Variants in NBEAL1 observed in about 807,000 individuals in gnomAD.
NBEAL1 encodes the protein neurobeachin-like protein 1.
In NBEAL1, 273 loss-of-function variants were observed where a neutral mutation model predicts 351.3. The observed-to-expected ratio is 0.78, with a 90% CI of 0.70 to 0.86. The LOEUF (loss-of-function observed/expected upper bound fraction) is 0.86, where lower values mean the gene tolerates loss of function less well. Ranked by LOEUF, NBEAL1 falls within the 40% of genes least tolerant of loss-of-function variation. The probability of loss-of-function intolerance (pLI) is 0.00; values close to 1 mark genes in which losing one functional copy is unlikely to be tolerated. For synonymous variants in NBEAL1, 1,050 were observed against 1,086.4 expected (o/e 0.97, Z 0.66); for missense variants, 2,961 against 3,201.3 (o/e 0.92, Z 1.81).
At chr2:203,054,666 A>G (rs1284894926) in intron 4 of NBEAL1, among the ~76,000 whole-genome samples, 1 of 151,980 alleles carries the variant, frequency 6.6e-6, no homozygotes. Flanking sequence ...TCGCCTTCTC[A>G]TGTGAGTTGT....
In NBEAL1 at chr2:203,222,275, TTATAAA is replaced by T. The variant is rs1168728136; in HGVS notation, c.*4926_*4931del. Among the ~76,000 whole-genome samples, 6 of 152,326 alleles carry T rather than the reference TTATAAA, an allele frequency of 3.9e-5. No individual in the cohort carries two copies. The South Asian group carries it at 6.2e-4, about 16-fold the overall frequency. Reference sequence around the variant, plus strand: ...TACAGATCAGACTTCTCTGTGGAGTTTATAAATATACAGATATGTAGGCACTGCTTT... The same window carrying T: ...TACAGATCAGACTTCTCTGTGGAGTTTATACAGATATGTAGGCACTGCTTT... On this transcript the variant is annotated 3_prime_UTR_variant, in exon 56 of 56. Transcript: ENST00000683969.
intron 49 of NBEAL1, 95 bp downstream of exon 49, chr2:203,199,542 ATATTT>A: frequency 1.6e-6 from 1 of 623,930 alleles, no homozygotes; most frequent in Non-Finnish European, 2.7e-6. Context: ...TCTGAAAGAA[ATATTT>A]TTTTTTTTTT....
intron 12 of NBEAL1, among the ~76,000 whole-genome samples, chr2:203,106,415 A>G (rs746428067): frequency 6.6e-6 from 1 of 152,156 alleles, no homozygotes; most frequent in Non-Finnish European, 1.5e-5. Flanking sequence ...TTAGGTTCCT[A>G]TTGAATAGGC....
At chr2:203,141,960 G>T (rs1397552229) in intron 31 of NBEAL1, among the ~76,000 whole-genome samples, 1 of 152,126 alleles carries the variant, frequency 6.6e-6, no homozygotes, top group Non-Finnish European at 1.5e-5. Context: ...AAATAGGACT[G>T]CATGGTTGTT....
rs1403648531 is a variant in NBEAL1 at position 203,135,847 on chromosome 2, A to G, written c.3984A>G (p.Ser1328=). Residue 1328 remains serine (S), a synonymous_variant, in exon 28 of 56, where the codon TCA becomes TCG. Coordinates refer to ENST00000683969, the MANE Select transcript of NBEAL1 (RefSeq NM_001378026.1). The part of the protein sequence containing the change: ...VLMKDNDKNM[S]TEDTKKNSDE... ...TGAAAGACAATGATAAAAATATGTC[A>G]ACTGAAGATACCAAGAAGAACTCTG... 1.2e-6 allele frequency: 2 copies of G among 1,613,972 alleles called. No homozygotes were observed. Among genetic ancestry groups the G allele is most frequent in the African/African-American group, 1.3e-5 (1 of 74,938 alleles).
chr2:203,035,940 A>G (rs538727574), intron 2 of NBEAL1, among the ~76,000 whole-genome samples: 1 of 149,388 alleles, frequency 6.7e-6, no homozygotes, highest in South Asian at 2.1e-4. Flanking sequence ...TATGGGTTAA[A>G]TTATTTAATT....
intron 43 of NBEAL1, among the ~76,000 whole-genome samples, 157 bp downstream of exon 43, chr2:203,180,669 T>C (rs1425726435): frequency 6.6e-6 from 1 of 152,172 alleles, no homozygotes; most frequent in Non-Finnish European, 1.5e-5. Context: ...CTATGAGTCT[T>C]ACCTTCCAGG....
chr2:203,209,391 G>T, intron 53 of NBEAL1, 69 bp downstream of exon 53: 4 of 1,134,368 alleles, frequency 3.5e-6, no homozygotes, highest in Non-Finnish European at 5.1e-6. Context: ...CATTATAGAT[G>T]AGGTTTATTG....
chr2:203,190,272 T>A lies in NBEAL1; in HGVS notation c.6824-20T>A. 1 of 1,575,290 alleles carries A rather than the reference T, an allele frequency of 6.3e-7. No individual in the cohort carries two copies. Among genetic ancestry groups the A allele is most frequent in the Non-Finnish European group, 8.7e-7 (1 of 1,154,806 alleles). ...TGATTTGTTTTCACTCTATAGTAAGTTGACTTCTTCTGGTTTTAGGAGCTG... is the reference window on the plus strand; with the variant it reads ...TGATTTGTTTTCACTCTATAGTAAGATGACTTCTTCTGGTTTTAGGAGCTG... On this transcript the variant is annotated intron_variant, in intron 45 of 55. Coordinates refer to ENST00000683969, the MANE Select transcript of NBEAL1 (RefSeq NM_001378026.1).
Position 203,172,862 on chromosome 2 carries a change from T to C in NBEAL1, c.6323+9T>C, listed in dbSNP as rs1457488880. 1 of 1,589,228 alleles carries C rather than the reference T, an allele frequency of 6.3e-7. No homozygotes were observed. The highest frequency in any genetic ancestry group is 8.5e-7 in the Non-Finnish European group (1 of 1,170,292). On this transcript the variant is annotated intron_variant, in intron 41 of 55. Coordinates refer to ENST00000683969, the MANE Select transcript of NBEAL1 (RefSeq NM_001378026.1). ...AAAGCTATGAGAGAAAAGTAAGTGCTTCTTATTCCTTTTATAAAATACACA... is the reference window on the plus strand; with the variant it reads ...AAAGCTATGAGAGAAAAGTAAGTGCCTCTTATTCCTTTTATAAAATACACA...
chr2:203,173,141 A>G (rs1436401202), intron 41 of NBEAL1, among the ~76,000 whole-genome samples: 1 of 152,126 alleles, frequency 6.6e-6, no homozygotes, highest in Non-Finnish European at 1.5e-5. Context: ...AAATTCTTGA[A>G]ATTTTTCTTC....
At chr2:203,151,686 T>A in intron 35 of NBEAL1, 97 bp downstream of exon 35, 1 of 1,181,714 alleles carries the variant, frequency 8.5e-7, no homozygotes, top group Non-Finnish European at 1.1e-6. Flanking sequence ...TGTTTACTTA[T>A]GAAGGAAGGG....
At chr2:203,188,617 C>A in intron 45 of NBEAL1, 28 bp downstream of exon 45, 2 of 1,292,610 alleles carry the variant, frequency 1.5e-6, no homozygotes, top group South Asian at 1.3e-5. Context: ...TTTTCTCTTG[C>A]TTTACCTTGA....
chr2:203,180,555 G>A (rs372898292), intron 43 of NBEAL1, 43 bp downstream of exon 43: 55 of 1,542,346 alleles, frequency 3.6e-5, no homozygotes, highest in Non-Finnish European at 4.5e-5. Context: ...AGGTCCCAAT[G>A]GAGGAGCCTC....
chr2:203,104,177 G>A (rs531844448), intron 12 of NBEAL1, among the ~76,000 whole-genome samples: 1 of 152,192 alleles, frequency 6.6e-6, no homozygotes, highest in East Asian at 1.9e-4. Flanking sequence ...CTACCTCAAT[G>A]ATCTGTCCAA....
chr2:203,019,606 G>A (rs1448701506), intron 2 of NBEAL1, among the ~76,000 whole-genome samples: 3 of 152,134 alleles, frequency 2.0e-5, no homozygotes, highest in Non-Finnish European at 2.9e-5. Context: ...GACCTCCTCC[G>A]TATTTGCCAC....
rs571580197 is a variant in NBEAL1 at position 203,084,863 on chromosome 2, G to A, written c.1098+294G>A. 7.8e-5 allele frequency: 16 copies of A among 204,586 alleles called. No individual in the cohort carries two copies. The Admixed American group carries it at 8.4e-4, about 11-fold the overall frequency. 12.7% of individuals were successfully genotyped at this position (204,586 alleles called of 1,614,324 possible). A position where few individuals can be genotyped will look rare whatever the true frequency, so the allele number is the denominator to read the frequency against. On this transcript the variant is annotated intron_variant, in intron 10 of 55. Transcript: ENST00000683969. Reference sequence around the variant, plus strand: ...CTTGAGGCCCTTTAAGTAATTAGTTGCTTCTGAGCTCTTCTAACTATTTGT... The same window carrying A: ...CTTGAGGCCCTTTAAGTAATTAGTTACTTCTGAGCTCTTCTAACTATTTGT...
At chr2:203,023,312 G>C (rs775452902) in intron 2 of NBEAL1, among the ~76,000 whole-genome samples, 1 of 152,110 alleles carries the variant, frequency 6.6e-6, no homozygotes, top group Non-Finnish European at 1.5e-5. Flanking sequence ...ATGTAAGGAA[G>C]GTAATGTTCT....
chr2:203,087,241 C>T (rs1380844223), intron 10 of NBEAL1, among the ~76,000 whole-genome samples: 2 of 150,090 alleles, frequency 1.3e-5, no homozygotes, highest in Non-Finnish European at 3.0e-5. Context: ...TATAGGCACC[C>T]GCCACCGTGC....
Sources: allele counts gnomAD v4.1 joint callset (sites outside exome capture counted in the v4.1 genomes callset), GRCh38; gene constraint gnomAD v4.1.1; transcripts MANE v1.5; gene names NCBI Gene and HGNC (gene_info 2026-07-23, HGNC 2026-07-21).